Variants in NINJ2 observed in about 807,000 individuals in gnomAD.
NINJ2 encodes the protein ninjurin-2.
NINJ2 carries 12 observed loss-of-function variants against 11.7 expected under a neutral mutation model. That is an observed-to-expected ratio of 1.02 (90% CI 0.66 to 1.66). NINJ2 has a LOEUF of 1.66. Ranked by LOEUF, NINJ2 falls within the 40% of genes most tolerant of loss-of-function variation. The pLI is 0.00. For missense variants in NINJ2, 187 were observed against 181.8 expected, an observed-to-expected ratio of 1.03 and a Z score of -0.16; for synonymous variants, 93 against 76.8, an observed-to-expected ratio of 1.21 and a Z score of -1.10.
chr12:592,061 A>G (rs1189177139), intron 1 of NINJ2, among the ~76,000 whole-genome samples: 6 of 152,092 alleles, frequency 3.9e-5, no homozygotes, highest in Admixed American at 3.9e-4. Flanking sequence ...TGAACTTACC[A>G]TTAATCTGTG....
intron 1 of NINJ2, among the ~76,000 whole-genome samples, chr12:601,921 GAGAGT>G (rs1947879884): frequency 6.6e-6 from 1 of 152,326 alleles, no homozygotes; most frequent in South Asian, 2.1e-4. Context: ...ATGGGAATAA[GAGAGT>G]AGAGTCTGAC....
chr12:588,537 T>A (rs955059956), intron 1 of NINJ2, among the ~76,000 whole-genome samples: 1 of 152,194 alleles, frequency 6.6e-6, no homozygotes, highest in Non-Finnish European at 1.5e-5. Context: ...ACTGTCCTTA[T>A]CTAAGGGACT....
intron 1 of NINJ2, among the ~76,000 whole-genome samples, chr12:571,034 T>C (rs552002334): frequency 6.6e-6 from 1 of 152,280 alleles, no homozygotes; most frequent in East Asian, 1.9e-4. Context: ...AGGCTGGCTC[T>C]CGGTATCTTC....
At position 569,976 on chromosome 12, in the gene NINJ2, G is replaced by A. The variant is rs1447985828; in HGVS notation, c.34-3798C>T. Among the ~76,000 whole-genome samples the A allele has an allele frequency of 3.3e-5, 5 of 152,200 alleles. No homozygotes were observed. The East Asian group carries it at 9.6e-4, about 29-fold the overall frequency. On this transcript the variant is annotated intron_variant, in intron 1 of 3. Transcript: ENST00000305108. The stretch of plus-strand genomic sequence containing the variant: ...GTGACTTGGGCGCCGCGGCTGCCGG[G>A]GGGCGTTTCCACCCCGAGGAACCCA...
At chr12:588,801 C>T (rs1947678514) in intron 1 of NINJ2, among the ~76,000 whole-genome samples, 1 of 152,216 alleles carries the variant, frequency 6.6e-6, no homozygotes, top group African/African-American at 2.4e-5. Context: ...GAAGAAACAT[C>T]ACAAATCTGT....
chr12:593,770 AGAG>A (rs1195828426), intron 1 of NINJ2, among the ~76,000 whole-genome samples: 1 of 152,048 alleles, frequency 6.6e-6, no homozygotes, highest in Non-Finnish European at 1.5e-5. Context: ...AGAAGGAGGA[AGAG>A]GAGGAGGAAG....
chr12:567,865 G>A (rs1028128297), intron 1 of NINJ2, among the ~76,000 whole-genome samples: 2 of 152,154 alleles, frequency 1.3e-5, no homozygotes, highest in Admixed American at 1.3e-4. Context: ...AAAATCAGCT[G>A]GGTATGGTGT....
chr12:630,086 C>G (rs1412702956), intron 1 of NINJ2, among the ~76,000 whole-genome samples: 1 of 151,114 alleles, frequency 6.6e-6, no homozygotes, highest in Non-Finnish European at 1.5e-5. Context: ...GTCACCAAAG[C>G]CCCACCTCAG....
chr12:575,243 T>C (rs1467653877), intron 1 of NINJ2, among the ~76,000 whole-genome samples: 1 of 152,158 alleles, frequency 6.6e-6, no homozygotes, highest in Non-Finnish European at 1.5e-5. Flanking sequence ...CCAGGGTCAT[T>C]GTTACTCAAG....
chr12:626,556 C>T (rs1054233759), intron 1 of NINJ2, among the ~76,000 whole-genome samples: 2 of 152,132 alleles, frequency 1.3e-5, no homozygotes, highest in Non-Finnish European at 2.9e-5. Context: ...TGCCACAGGG[C>T]CCTCCAGGAC....
At chr12:641,428 G>A (rs1470533177) in intron 1 of NINJ2, among the ~76,000 whole-genome samples, 2 of 152,196 alleles carry the variant, frequency 1.3e-5, no homozygotes, top group Non-Finnish European at 2.9e-5. Flanking sequence ...TCTCCCCAGG[G>A]TGAAAGGCGT....
intron 1 of NINJ2, among the ~76,000 whole-genome samples, chr12:651,111 G>A (rs1309889547): frequency 6.6e-6 from 1 of 151,536 alleles, no homozygotes; most frequent in Non-Finnish European, 1.5e-5. Flanking sequence ...GGGCATTGGA[G>A]GAAATGCTTT....
intron 1 of NINJ2, among the ~76,000 whole-genome samples, chr12:598,010 T>C (rs1202372953): frequency 6.6e-6 from 1 of 152,204 alleles, no homozygotes; most frequent in African/African-American, 2.4e-5. Flanking sequence ...TTTATGTAGG[T>C]AGGAGGTCCC....
chr12:619,643 C>T (rs1948130861), intron 1 of NINJ2, among the ~76,000 whole-genome samples: 1 of 152,162 alleles, frequency 6.6e-6, no homozygotes, highest in African/African-American at 2.4e-5. Flanking sequence ...CAGATAGTCT[C>T]CCGGAAGAGA....
At chr12:658,954 C>A (rs1937916704) in intron 1 of NINJ2, among the ~76,000 whole-genome samples, 1 of 151,412 alleles carries the variant, frequency 6.6e-6, no homozygotes, top group Non-Finnish European at 1.5e-5. Flanking sequence ...TATGGGAGAT[C>A]TCTGGCCTTC....
At chr12:606,631 G>C (rs1440908687) in intron 1 of NINJ2, among the ~76,000 whole-genome samples, 12 of 152,176 alleles carry the variant, frequency 7.9e-5, no homozygotes, top group Non-Finnish European at 4.4e-5. Flanking sequence ...ACAGAGGAGT[G>C]AAATGGCACT....
At chr12:609,412 A>G (rs747350585) in intron 1 of NINJ2, among the ~76,000 whole-genome samples, 3 of 152,216 alleles carry the variant, frequency 2.0e-5, no homozygotes, top group Non-Finnish European at 4.4e-5. Flanking sequence ...TCACAGCCCA[A>G]TTCTCTTTTC....
intron 1 of NINJ2, among the ~76,000 whole-genome samples, chr12:568,992 T>G (rs943714907): frequency 6.9e-6 from 1 of 144,622 alleles, no homozygotes; most frequent in African/African-American, 2.6e-5. Context: ...CCCACAGAAA[T>G]AAGAAAAAAG....
At position 568,885 on chromosome 12, in the gene NINJ2, C is replaced by G. The variant is rs957208054; in HGVS notation, c.34-2707G>C. Among the ~76,000 whole-genome samples, 254 of 126,680 alleles carry G rather than the reference C, an allele frequency of 2.0e-3. 10 individuals are homozygous for G. The highest frequency in any genetic ancestry group is 0.015 in the Admixed American group (206 of 13,758). The allele number at this position is 126,680 out of a possible 152,430, so 83.1% of individuals were successfully genotyped here. On this transcript the variant is annotated intron_variant, in intron 1 of 3. Coordinates refer to ENST00000305108, the MANE Select transcript of NINJ2 (RefSeq NM_016533.6). ...TTGGGGCTGTGAGGACACCCCCCCC[C>G]CCCCGCCCCCCGGGTAAGCACTGGG...
Sources: allele counts gnomAD v4.1 joint callset (sites outside exome capture counted in the v4.1 genomes callset), GRCh38; gene constraint gnomAD v4.1.1; transcripts MANE v1.5; gene names NCBI Gene and HGNC (gene_info 2026-07-23, HGNC 2026-07-21).